The following UVRAG variants were observed in gnomAD, a reference collection of about 807,000 sequenced individuals.
UVRAG encodes the protein UV radiation resistance associated.
Under a neutral mutation model 78.0 loss-of-function variants are expected in UVRAG, and 19 were observed. The observed-to-expected ratio is 0.24, with a 90% CI of 0.17 to 0.36. The LOEUF is 0.36. UVRAG is among the 10% of genes least tolerant of loss of function. The pLI, the probability that UVRAG is intolerant of heterozygous loss-of-function variation, is 1.00. For synonymous variants in UVRAG, 323 were observed against 324.6 expected, an observed-to-expected ratio of 1.00 and a Z score of 0.05; for missense variants, 740 against 853.8, an observed-to-expected ratio of 0.87 and a Z score of 1.66.
chr11:75,911,739 G>A, intron 5 of UVRAG: 1 of 411,074 alleles, frequency 2.4e-6, no homozygotes, highest in East Asian at 4.4e-5. Flanking sequence ...CTCCACTCTT[G>A]TCAGATCCCC....
intron 14 of UVRAG, 96 bp downstream of exon 14, chr11:76,116,111 G>C: frequency 8.6e-7 from 1 of 1,162,712 alleles, no homozygotes; most frequent in Non-Finnish European, 1.2e-6. Flanking sequence ...CTGCCTCTGA[G>C]TTTTCTTCTG....
intron 6 of UVRAG, among the ~76,000 whole-genome samples, chr11:75,912,939 G>A (rs1947770722): frequency 6.6e-6 from 1 of 152,214 alleles, no homozygotes; most frequent in Admixed American, 6.5e-5. Context: ...TTTGACTAAA[G>A]TAACCATATA....
chr11:75,952,404 T>C (rs1948719737), intron 6 of UVRAG, among the ~76,000 whole-genome samples: 2 of 152,024 alleles, frequency 1.3e-5, no homozygotes, highest in Admixed American at 6.6e-5. Flanking sequence ...AAACCTTTTA[T>C]CAGATTGAGG....
chr11:76,095,416 C>A (rs1295219406), intron 13 of UVRAG, among the ~76,000 whole-genome samples: 2 of 151,834 alleles, frequency 1.3e-5, no homozygotes, highest in Non-Finnish European at 2.9e-5. Flanking sequence ...TTTTCCTATT[C>A]TTTGTCTTTG....
At chr11:75,960,595 C>T (rs750010826) in intron 6 of UVRAG, among the ~76,000 whole-genome samples, 4 of 152,072 alleles carry the variant, frequency 2.6e-5, no homozygotes, top group Admixed American at 6.6e-5. Context: ...GGTGAAACCT[C>T]GTCTCTGCAA....
At chr11:75,872,314 A>T (rs1219291248) in intron 3 of UVRAG, among the ~76,000 whole-genome samples, 1 of 151,890 alleles carries the variant, frequency 6.6e-6, no homozygotes, top group Non-Finnish European at 1.5e-5. Flanking sequence ...TGCCTGGGAC[A>T]TAAGGCTCCA....
At chr11:76,028,319 CACA>C (rs1565126553) in intron 12 of UVRAG, among the ~76,000 whole-genome samples, 1 of 152,090 alleles carries the variant, frequency 6.6e-6, no homozygotes, top group Non-Finnish European at 1.5e-5. Flanking sequence ...GTCCCTGAGA[CACA>C]ACATTATTGA....
At chr11:75,877,567 C>T (rs1271741346) in intron 3 of UVRAG, among the ~76,000 whole-genome samples, 2 of 147,030 alleles carry the variant, frequency 1.4e-5, no homozygotes, top group African/African-American at 5.0e-5. Flanking sequence ...GGCTGACCCC[C>T]CCCACCTCCC....
At chr11:76,045,948 C>T (rs949707249) in intron 12 of UVRAG, among the ~76,000 whole-genome samples, 1 of 152,000 alleles carries the variant, frequency 6.6e-6, no homozygotes, top group Non-Finnish European at 1.5e-5. Context: ...TAAAAGCCCA[C>T]ACTAAGGTAC....
intron 1 of UVRAG, among the ~76,000 whole-genome samples, chr11:75,831,548 G>A (rs1945660046): frequency 6.6e-6 from 1 of 151,742 alleles, no homozygotes; most frequent in South Asian, 2.1e-4. Flanking sequence ...TATGTCACTA[G>A]GCCATTTTAG....
intron 3 of UVRAG, among the ~76,000 whole-genome samples, chr11:75,875,686 G>T (rs1419502940): frequency 1.3e-5 from 2 of 150,678 alleles, no homozygotes; most frequent in African/African-American, 2.4e-5. Context: ...TTCCAAGGAA[G>T]GTTCTCCTCT....
chr11:75,836,806 C>T (rs764709365), intron 1 of UVRAG, among the ~76,000 whole-genome samples: 9 of 152,060 alleles, frequency 5.9e-5, no homozygotes, highest in Non-Finnish European at 1.2e-4. Context: ...TATTTGAAAC[C>T]CACCAAGATT....
At chr11:76,102,314 A>T (rs1951892055) in intron 13 of UVRAG, among the ~76,000 whole-genome samples, 1 of 152,100 alleles carries the variant, frequency 6.6e-6, no homozygotes, top group South Asian at 2.1e-4. Flanking sequence ...CTATATTCCT[A>T]GGCATTTTAT....
intron 7 of UVRAG, among the ~76,000 whole-genome samples, chr11:75,963,777 ATGAAATTTCT>A (rs1214681872): frequency 1.3e-5 from 2 of 152,132 alleles, no homozygotes; most frequent in Non-Finnish European, 2.9e-5. Context: ...TTTATTTCTT[ATGAAATTTCT>A]GCTGTTATCA....
intron 1 of UVRAG, among the ~76,000 whole-genome samples, chr11:75,842,442 CTTT>C (rs11316075): frequency 3.0e-5 from 4 of 134,218 alleles, no homozygotes; most frequent in Admixed American, 7.4e-5. Context: ...CCTTTTCTTT[CTTT>C]TTTTTTTTTT....
intron 13 of UVRAG, among the ~76,000 whole-genome samples, chr11:76,098,385 G>A (rs1483259818): frequency 1.3e-5 from 2 of 152,140 alleles, no homozygotes; most frequent in Non-Finnish European, 2.9e-5. Flanking sequence ...AGAGGCTCAG[G>A]CGGGGGTAAG....
At chr11:76,012,464 C>G (rs1394319553) in intron 11 of UVRAG, among the ~76,000 whole-genome samples, 4 of 152,148 alleles carry the variant, frequency 2.6e-5, no homozygotes, top group African/African-American at 9.7e-5. Flanking sequence ...ATTCAGTTTT[C>G]TTCCTCGCTT....
At chr11:75,847,120 T>C (rs112493141) in intron 1 of UVRAG, among the ~76,000 whole-genome samples, 11,419 of 145,578 alleles carry the variant, frequency 0.078, 1,388 homozygotes, top group African/African-American at 0.27. Context: ...CCACCGTGCC[T>C]GGCCTGTTCT....
At chr11:75,896,953 C>G (rs1426027726) in intron 5 of UVRAG, among the ~76,000 whole-genome samples, 2 of 152,142 alleles carry the variant, frequency 1.3e-5, no homozygotes, top group Non-Finnish European at 2.9e-5. Flanking sequence ...TATATAGATA[C>G]ATAGAGATAC....
Sources: allele counts gnomAD v4.1 joint callset (sites outside exome capture counted in the v4.1 genomes callset), GRCh38; gene constraint gnomAD v4.1.1; transcripts MANE v1.5; gene names NCBI Gene and HGNC (gene_info 2026-07-23, HGNC 2026-07-21).